The following GPR158 variants were observed in gnomAD, a reference collection of about 807,000 sequenced individuals.
GPR158 encodes the protein metabotropic glycine receptor.
GPR158 carries 30 observed loss-of-function variants against 78.2 expected under a neutral mutation model. The observed-to-expected ratio is 0.38, with a 90% CI of 0.29 to 0.52. GPR158 has a LOEUF of 0.52. Among genes scored for constraint, GPR158 ranks in the 20% least tolerant of loss-of-function variants. The pLI is 0.83. For synonymous variants in GPR158, 581 were observed against 591.1 expected (o/e 0.98, Z 0.25); for missense variants, 1,463 against 1,523.5 (o/e 0.96, Z 0.66).
At chr10:25,424,913 C>T (rs1274877969) in intron 4 of GPR158, among the ~76,000 whole-genome samples, 8 of 152,126 alleles carry the variant, frequency 5.3e-5, no homozygotes, top group East Asian at 1.9e-4. Context: ...TTTTCCAATT[C>T]TGTGAAGAAA....
chr10:25,175,066 A>G lies in GPR158; in HGVS notation c.-355A>G, dbSNP rs1852503396. 1 of 210,758 alleles carries G rather than the reference A, an allele frequency of 4.7e-6. No individual in the cohort carries two copies. Among genetic ancestry groups the G allele is most frequent in the South Asian group, 9.8e-5 (1 of 10,174 alleles). The allele number at this position is 210,758 out of a possible 1,614,324, so 13.1% of individuals were successfully genotyped here. ...AGCAGCTTCTGAACGCGCCTCAATG[A>G]GAGCGGCGGTGGCGGCAGCCGGGCC... On this transcript the variant is annotated 5_prime_UTR_variant, in exon 1 of 11. The change abolishes the stop of an existing upstream ORF in the 5' untranslated region. Transcript: ENST00000376351. The surrounding 1 kb of genome is among the most constrained non-coding windows in gnomAD (Gnocchi z 6.4).
In GPR158 at chr10:25,598,465, A is replaced by G; in HGVS notation, c.2839A>G (p.Asn947Asp). ...KDKETNRNHS[N>D]SDNTETKDPA... ...TAAAGAGACAAACAGAAATCACTCAAATTCTGATAACACAGAGACTAAAGA... is the reference window on the plus strand; with the variant it reads ...TAAAGAGACAAACAGAAATCACTCAGATTCTGATAACACAGAGACTAAAGA... The change falls in exon 11 of 11, where the codon AAT becomes GAT. Residue 947 changes from asparagine to aspartate, a missense_variant. By Grantham distance (23) the Asn-to-Asp change is conservative (BLOSUM62 1). Transcript: ENST00000376351. The G allele has an allele frequency of 6.2e-7, 1 of 1,614,110 alleles. No individual in the cohort carries two copies. Among genetic ancestry groups the G allele is most frequent in the Non-Finnish European group, 8.5e-7 (1 of 1,180,020 alleles).
intron 4 of GPR158, among the ~76,000 whole-genome samples, chr10:25,464,923 G>A (rs993978934): frequency 6.6e-5 from 10 of 152,142 alleles, no homozygotes; most frequent in South Asian, 2.1e-4. Context: ...CACCAAAAGC[G>A]TCTTCTATCT....
At chr10:25,414,640 T>C (rs1030409429) in intron 4 of GPR158, among the ~76,000 whole-genome samples, 11 of 152,108 alleles carry the variant, frequency 7.2e-5, no homozygotes, top group African/African-American at 1.9e-4. Flanking sequence ...ATTTATAGAA[T>C]GTAGAATTTA....
chr10:25,582,420 C>G (rs938541004), intron 7 of GPR158, among the ~76,000 whole-genome samples: 1 of 152,134 alleles, frequency 6.6e-6, no homozygotes, highest in Non-Finnish European at 1.5e-5. Flanking sequence ...TATAGTCTCC[C>G]TACCCTTTTT....
chr10:25,575,497 C>T (rs1288978070), intron 7 of GPR158, among the ~76,000 whole-genome samples: 3 of 152,104 alleles, frequency 2.0e-5, no homozygotes, highest in Admixed American at 6.5e-5. Context: ...TCAGAGCTCA[C>T]TCTGACTTCC....
intron 5 of GPR158, among the ~76,000 whole-genome samples, chr10:25,540,477 A>AAAG (rs1184725462): frequency 6.6e-6 from 1 of 152,240 alleles, no homozygotes; most frequent in Non-Finnish European, 1.5e-5. Context: ...ACGCTGCTGT[A>AAAG]AAGACACATG....
At chr10:25,533,562 C>A (rs111700753) in intron 5 of GPR158, among the ~76,000 whole-genome samples, 1 of 152,072 alleles carries the variant, frequency 6.6e-6, no homozygotes, top group Admixed American at 6.6e-5. Context: ...ATGAATTATT[C>A]GGTTTAAAAC....
chr10:25,338,464 G>GTA (rs1445062053), intron 2 of GPR158, among the ~76,000 whole-genome samples: 2 of 131,016 alleles, frequency 1.5e-5, no homozygotes, highest in Non-Finnish European at 1.6e-5. Context: ...TATATATTAC[G>GTA]TATATTATAC....
chr10:25,194,399 C>T lies in GPR158; in HGVS notation c.902+18077C>T, dbSNP rs143754814. Among the ~76,000 whole-genome samples the T allele has an allele frequency of 5.4e-3, 824 of 152,154 alleles. 2 individuals are homozygous for T. The highest frequency in any genetic ancestry group is 0.02 in the Middle Eastern group (6 of 294). On this transcript the variant is annotated intron_variant, in intron 1 of 10. Coordinates refer to ENST00000376351, the MANE Select transcript of GPR158 (RefSeq NM_020752.3). ...ACTAAAAATACAAAAATTAGCCAAG[C>T]GTGGTGGTGCATGCCTGTAGTCCTA...
At chr10:25,513,944 G>C (rs865841838) in intron 5 of GPR158, among the ~76,000 whole-genome samples, 1 of 152,176 alleles carries the variant, frequency 6.6e-6, no homozygotes, top group South Asian at 2.1e-4. Flanking sequence ...CTATCATATG[G>C]TCTGTCTTGG....
chr10:25,585,193 C>T (rs865927993), intron 7 of GPR158, among the ~76,000 whole-genome samples: 5 of 152,294 alleles, frequency 3.3e-5, no homozygotes, highest in Middle Eastern at 6.8e-3. Flanking sequence ...GCTTATTTTC[C>T]TTTAACAGGC....
At chr10:25,423,113 A>ATATACGTATATACG (rs1564451141) in intron 4 of GPR158, among the ~76,000 whole-genome samples, 1 of 148,056 alleles carries the variant, frequency 6.8e-6, no homozygotes, top group African/African-American at 2.5e-5. Flanking sequence ...ATGTCTACAC[A>ATATACGTATATACG]TATATACATA....
intron 2 of GPR158, among the ~76,000 whole-genome samples, chr10:25,376,910 G>A (rs1258679225): frequency 6.6e-6 from 1 of 151,348 alleles, no homozygotes; most frequent in Non-Finnish European, 1.5e-5. Context: ...ATATACATAT[G>A]ATTATATATG....
At chr10:25,373,496 T>C (rs1834033209) in intron 2 of GPR158, among the ~76,000 whole-genome samples, 1 of 151,988 alleles carries the variant, frequency 6.6e-6, no homozygotes, top group Admixed American at 6.6e-5. Flanking sequence ...TTTTCTTATT[T>C]ATGTATCTTC....
At chr10:25,562,509 G>C (rs1004505480) in intron 6 of GPR158, among the ~76,000 whole-genome samples, 2 of 151,994 alleles carry the variant, frequency 1.3e-5, no homozygotes, top group African/African-American at 4.8e-5. Context: ...CTTATCTTCT[G>C]TTTTCTCTTT....
chr10:25,478,269 T>A (rs2130632537), intron 5 of GPR158, among the ~76,000 whole-genome samples: 1 of 152,314 alleles, frequency 6.6e-6, no homozygotes, highest in South Asian at 2.1e-4. Context: ...TCATCTTTGC[T>A]ACAGTAAACA....
chr10:25,376,114 GTATT>G (rs1332618324), intron 2 of GPR158, among the ~76,000 whole-genome samples: 1 of 151,312 alleles, frequency 6.6e-6, no homozygotes, highest in Non-Finnish European at 1.5e-5. Flanking sequence ...TTATACCTAA[GTATT>G]TCATTTTCTT....
intron 5 of GPR158, among the ~76,000 whole-genome samples, chr10:25,478,999 G>A (rs1356979943): frequency 7.7e-6 from 1 of 129,408 alleles, no homozygotes; most frequent in East Asian, 2.7e-4. Context: ...TGGCTGCATA[G>A]TTTTCCATGG....
Sources: gnomAD v4.1 joint callset for allele counts (sites outside exome capture counted in the v4.1 genomes callset) on GRCh38, gnomAD v4.1.1 for gene constraint, Gnocchi (gnomAD v3.1) non-coding constraint, MANE v1.5 for transcripts, NCBI Gene and HGNC (gene_info 2026-07-23, HGNC 2026-07-21) for gene names.